CGGBP1: variants seen among roughly 807,000 people sequenced by gnomAD.
CGGBP1 encodes the protein CGG triplet repeat-binding protein 1.
CGGBP1 carries 4 observed loss-of-function variants against 11.4 expected under a neutral mutation model. That is an observed-to-expected ratio of 0.35 (90% CI 0.17 to 0.80). The LOEUF is 0.80. Ranked by LOEUF, CGGBP1 falls within the 30% of genes least tolerant of loss-of-function variation. The pLI, the probability that CGGBP1 is intolerant of heterozygous loss-of-function variation, is 0.52. For synonymous variants in CGGBP1, 76 were observed against 74.1 expected, an observed-to-expected ratio of 1.03 and a Z score of -0.13; for missense variants, 135 against 202.1, an observed-to-expected ratio of 0.67 and a Z score of 2.01.
chr3:88,067,988 T>C (rs1386666939), intron 2 of CGGBP1, among the ~76,000 whole-genome samples: 1 of 152,072 alleles, frequency 6.6e-6, no homozygotes, highest in Non-Finnish European at 1.5e-5. Context: ...GAAGGGATTA[T>C]CTATATTATA....
chr3:88,106,921 A>C (rs1195684613), intron 2 of CGGBP1, among the ~76,000 whole-genome samples: 4 of 152,168 alleles, frequency 2.6e-5, no homozygotes, highest in African/African-American at 9.7e-5. Context: ...AAATTTTCAC[A>C]TACTATTGTG....
intron 2 of CGGBP1, among the ~76,000 whole-genome samples, chr3:88,117,334 G>GA (rs1705472221): frequency 6.6e-6 from 1 of 151,998 alleles, no homozygotes; most frequent in South Asian, 2.1e-4. Flanking sequence ...TCCCACAAAG[G>GA]AAAAAATCAA....
At chr3:88,100,504 C>T (rs755755285) in intron 2 of CGGBP1, among the ~76,000 whole-genome samples, 12 of 151,056 alleles carry the variant, frequency 7.9e-5, no homozygotes, top group Admixed American at 2.6e-4. Flanking sequence ...AATCATGCTG[C>T]GCACATGTAT....
At chr3:88,070,548 A>G (rs1233757749) in intron 2 of CGGBP1, among the ~76,000 whole-genome samples, 1 of 149,422 alleles carries the variant, frequency 6.7e-6, no homozygotes, top group Admixed American at 6.7e-5. Flanking sequence ...CACTGTGGCA[A>G]AGGCAACACT....
chr3:88,059,576 G>A (rs1308609013), upstream of CGGBP1: 4 of 1,442,386 alleles, frequency 2.8e-6, no homozygotes, highest in Non-Finnish European at 3.6e-6. Flanking sequence ...TGGTCTTCTC[G>A]TCCATGAATC....
At chr3:88,122,028 A>G (rs190961494) in intron 2 of CGGBP1, among the ~76,000 whole-genome samples, 3 of 152,292 alleles carry the variant, frequency 2.0e-5, no homozygotes, top group Non-Finnish European at 4.4e-5. Context: ...GAAGATGTCA[A>G]CACTTAAGAT....
intron 2 of CGGBP1, chr3:88,138,620 T>G (rs1706945675): frequency 1.3e-6 from 1 of 785,298 alleles, no homozygotes; most frequent in African/African-American, 1.8e-5. Flanking sequence ...GCTTTCATTT[T>G]AAGAGTTGTG....
chr3:88,056,029 AT>A, intron 3 of CGGBP1, 30 bp from the exon 4 acceptor site: 1 of 1,487,556 alleles, frequency 6.7e-7, no homozygotes, highest in Non-Finnish European at 9.1e-7. Flanking sequence ...AAAGATGAGT[AT>A]TATAACAACA....
chr3:88,061,151 A>G (rs1283041472), upstream of CGGBP1, among the ~76,000 whole-genome samples: 1 of 152,132 alleles, frequency 6.6e-6, no homozygotes, highest in Non-Finnish European at 1.5e-5. Context: ...TAGATTTTGT[A>G]TCTATAGGAA....
intron 2 of CGGBP1, among the ~76,000 whole-genome samples, chr3:88,114,518 C>T (rs1307388510): frequency 6.6e-6 from 1 of 152,092 alleles, no homozygotes; most frequent in Non-Finnish European, 1.5e-5. Context: ...TTTCTATCTC[C>T]TGCTCTGATC....
At chr3:88,118,624 A>T (rs1705561817) in intron 2 of CGGBP1, among the ~76,000 whole-genome samples, 3 of 152,186 alleles carry the variant, frequency 2.0e-5, no homozygotes, top group Admixed American at 2.0e-4. Context: ...CCAAAGACTT[A>T]ATTTGGGAAG....
intron 2 of CGGBP1, among the ~76,000 whole-genome samples, chr3:88,121,900 T>C (rs2107802269): frequency 6.6e-6 from 1 of 152,306 alleles, no homozygotes; most frequent in African/African-American, 2.4e-5. Context: ...AGTGCTTCCA[T>C]TTACACAGAT....
chr3:88,079,910 A>C (rs1312781759), intron 2 of CGGBP1, among the ~76,000 whole-genome samples: 2 of 152,080 alleles, frequency 1.3e-5, no homozygotes, highest in Non-Finnish European at 2.9e-5. Context: ...TGCAGATTTC[A>C]CACAAGTTTT....
chr3:88,076,449 C>G (rs1198728946), intron 2 of CGGBP1, among the ~76,000 whole-genome samples: 1 of 151,978 alleles, frequency 6.6e-6, no homozygotes, highest in Non-Finnish European at 1.5e-5. Flanking sequence ...TCTGTCTAGT[C>G]TAGCCTCTAA....
chr3:88,107,258 CAT>C (rs1461975964), intron 2 of CGGBP1, among the ~76,000 whole-genome samples: 4 of 152,102 alleles, frequency 2.6e-5, no homozygotes, highest in African/African-American at 7.2e-5. Flanking sequence ...TTATTGATGT[CAT>C]GTGTTTTTGC....
intron 2 of CGGBP1, among the ~76,000 whole-genome samples, chr3:88,098,599 T>G (rs1452976124): frequency 6.6e-6 from 1 of 152,116 alleles, no homozygotes; most frequent in Non-Finnish European, 1.5e-5. Context: ...ACTGGCAAAC[T>G]GAATCCAGCA....
chr3:88,083,083 T>C (rs946647796), intron 2 of CGGBP1, among the ~76,000 whole-genome samples: 6 of 150,262 alleles, frequency 4.0e-5, no homozygotes, highest in African/African-American at 1.5e-4. Flanking sequence ...TCACTCTTCC[T>C]CCTCCTCACC....
chr3:88,126,967 C>T (rs967542606), intron 2 of CGGBP1, among the ~76,000 whole-genome samples: 7 of 152,122 alleles, frequency 4.6e-5, no homozygotes, highest in African/African-American at 1.7e-4. Context: ...CCAAAATTTC[C>T]TTTCAAGGCA....
intron 2 of CGGBP1, among the ~76,000 whole-genome samples, chr3:88,088,479 GAAT>G (rs1372374319): frequency 6.6e-6 from 1 of 152,080 alleles, no homozygotes; most frequent in Non-Finnish European, 1.5e-5. Context: ...TGTGTGAAAG[GAAT>G]AATGAGATAT....
Sources: allele counts gnomAD v4.1 joint callset (sites outside exome capture counted in the v4.1 genomes callset), GRCh38; gene constraint gnomAD v4.1.1; transcripts MANE v1.5; gene names NCBI Gene and HGNC (gene_info 2026-07-23, HGNC 2026-07-21).